DHCR7: variants seen among roughly 807,000 people sequenced by gnomAD.
DHCR7 encodes the protein 7-dehydrocholesterol reductase.
In DHCR7, 40 loss-of-function variants were observed where a neutral mutation model predicts 43.3. The ratio of observed to expected loss-of-function variants is 0.92; its 90% CI spans 0.72 to 1.20. DHCR7 has a LOEUF of 1.20. Ranked by LOEUF, DHCR7 falls within the 50% of genes most tolerant of loss-of-function variation. DHCR7 has a pLI of 0.00. For missense variants in DHCR7, 608 were observed against 644.6 expected (o/e 0.94, Z 0.62); for synonymous variants, 298 against 271.4 (o/e 1.10, Z -0.96).
At chr11:71,438,844 A>G (rs1486902010) in intron 7 of DHCR7, 35 bp downstream of exon 7, 5 of 1,607,886 alleles carry the variant, frequency 3.1e-6, no homozygotes, top group African/African-American at 1.3e-5. Context: ...GCCTGCCGGC[A>G]TCGGCGTTTC....
At chr11:71,442,046 C>T (rs1339205866) in intron 5 of DHCR7, among the ~76,000 whole-genome samples, 1 of 152,214 alleles carries the variant, frequency 6.6e-6, no homozygotes, top group Non-Finnish European at 1.5e-5. Context: ...CTGGGCCATC[C>T]ATTCCCTCCT....
At position 71,435,386 on chromosome 11, in the gene DHCR7, C is replaced by T. The variant is rs1428527242; in HGVS notation, c.1417G>A (p.Gly473Arg). Residue 473 changes from glycine to arginine, a missense_variant, in exon 9 of 9, where the codon GGA becomes AGA. Transcript: ENST00000355527. ...CCTAGGGCGTGCCCTTAGAAGATTC[C>T]AGGCAGCAGGCGGTAAGGCACTGCG... The part of the protein sequence containing the change: ...TAAVPYRLLP[G>R]IF The T allele has an allele frequency of 8.1e-6, 13 of 1,612,096 alleles. No homozygotes were observed. The highest frequency in any genetic ancestry group is 1.1e-5 in the Non-Finnish European group (13 of 1,179,992).
At chr11:71,432,903 G>C (rs942784097), downstream of DHCR7, among the ~76,000 whole-genome samples, 2 of 152,244 alleles carry the variant, frequency 1.3e-5, no homozygotes, top group Non-Finnish European at 2.9e-5. Context: ...CCAGAAAGCA[G>C]ATCTGCTGGA....
intron 2 of DHCR7, among the ~76,000 whole-genome samples, chr11:71,446,433 T>C (rs1349645225): frequency 6.6e-6 from 1 of 152,204 alleles, no homozygotes; most frequent in African/African-American, 2.4e-5. Flanking sequence ...TATTGACTAT[T>C]GTATGCACAG....
intron 8 of DHCR7, chr11:71,436,067 GTATATATACCCCC>G (rs1949277215): frequency 3.4e-6 from 2 of 581,572 alleles, no homozygotes; most frequent in South Asian, 4.2e-5. Context: ...ATGTGTGTGT[GTATATATACCCCC>G]TATATATATG....
intron 6 of DHCR7, among the ~76,000 whole-genome samples, chr11:71,439,822 G>A (rs971102010): frequency 3.2e-4 from 48 of 152,200 alleles, no homozygotes; most frequent in African/African-American, 1.0e-3. Context: ...ATAAGGTAGC[G>A]AGGATGATTT....
rs1207591281 is a variant in DHCR7, at chr11:71,438,068, T to C, written c.832-125A>G. On this transcript the variant is annotated intron_variant, in intron 7 of 8. Coordinates refer to ENST00000355527, the MANE Select transcript of DHCR7 (RefSeq NM_001360.3). ...GGGAGCTGCTCAGCAACTTCCTCAA[T>C]GCTGGGGCTGTTCCTTCCCTGCGGC... is the stretch of plus-strand genomic sequence containing the variant. 5.4e-6 allele frequency: 6 copies of C among 1,120,140 alleles called. No individual in the cohort carries two copies. The Admixed American group carries it at 9.2e-5, about 17-fold the overall frequency. 69.4% of individuals were successfully genotyped at this position (1,120,140 alleles called of 1,614,324 possible). A position where few individuals can be genotyped will look rare whatever the true frequency, so the allele number is the denominator to read the frequency against.
At chr11:71,436,173 C>T (rs1949278201) in intron 8 of DHCR7, among the ~76,000 whole-genome samples, 1 of 152,112 alleles carries the variant, frequency 6.6e-6, no homozygotes, top group Non-Finnish European at 1.5e-5. Context: ...TTAACGTGTC[C>T]ACTTGGCCAG....
chr11:71,427,532 T>C (rs1017948716), downstream of DHCR7, among the ~76,000 whole-genome samples: 1 of 152,222 alleles, frequency 6.6e-6, no homozygotes, highest in African/African-American at 2.4e-5. Flanking sequence ...ACTTATTAGT[T>C]CTAGTAGCTT....
intron 8 of DHCR7, chr11:71,436,053 G>A: frequency 1.7e-6 from 1 of 600,378 alleles, no homozygotes; most frequent in Admixed American, 2.8e-5. Flanking sequence ...CTGTCTGTGT[G>A]TGTATGTGTG....
chr11:71,436,241 G>A (rs1949278971), intron 8 of DHCR7, among the ~76,000 whole-genome samples: 1 of 152,210 alleles, frequency 6.6e-6, no homozygotes, highest in African/African-American at 2.4e-5. Flanking sequence ...TTCAGATGAG[G>A]TTCATATGTT....
downstream of DHCR7, among the ~76,000 whole-genome samples, chr11:71,427,291 C>T (rs1314734480): frequency 1.3e-5 from 2 of 152,052 alleles, no homozygotes; most frequent in Non-Finnish European, 2.9e-5. Flanking sequence ...AATATGTAAA[C>T]GTGGCACACC....
downstream of DHCR7, among the ~76,000 whole-genome samples, chr11:71,433,596 GA>G (rs2135938018): frequency 6.6e-6 from 1 of 152,320 alleles, no homozygotes; most frequent in East Asian, 1.9e-4. Flanking sequence ...TTCAAAAGAG[GA>G]AGCTGAGACA....
rs2120355252 is a variant in DHCR7, at chr11:71,444,863, G to T, written c.90C>A (p.Gly30=). Residue 30 remains glycine, a synonymous_variant, in exon 3 of 9, where the codon GGC becomes GGA. Coordinates refer to ENST00000355527, the MANE Select transcript of DHCR7 (RefSeq NM_001360.3). ...NDRTASQGQW[G]RAWEVDWFSL... Reference sequence around the variant, plus strand: ...ACAGGCAAGATCCTTACCAGGCACGGCCCCACTGCCCTTGAGATGCGGTTC... The same window carrying T: ...ACAGGCAAGATCCTTACCAGGCACGTCCCCACTGCCCTTGAGATGCGGTTC... The T allele has an allele frequency of 3.7e-6, 6 of 1,613,972 alleles. No homozygotes were observed. Among genetic ancestry groups the T allele is most frequent in the Non-Finnish European group, 5.1e-6 (6 of 1,179,830 alleles).
At chr11:71,429,521 C>G (rs949231189), downstream of DHCR7, among the ~76,000 whole-genome samples, 1 of 152,184 alleles carries the variant, frequency 6.6e-6, no homozygotes, top group Admixed American at 6.6e-5. Context: ...TTCATGGGCA[C>G]AGCCACAGGC....
At chr11:71,445,830 G>A (rs1949398464) in intron 2 of DHCR7, among the ~76,000 whole-genome samples, 2 of 152,190 alleles carry the variant, frequency 1.3e-5, no homozygotes, top group African/African-American at 4.8e-5. Context: ...GCTCTTGAAA[G>A]CTTTTAGAGA....
intron 2 of DHCR7, among the ~76,000 whole-genome samples, chr11:71,446,260 G>GAAAAAAAAAAAA (rs57679336): frequency 1.5e-5 from 1 of 65,940 alleles, no homozygotes; most frequent in Non-Finnish European, 2.7e-5. Flanking sequence ...CTTACCAAAT[G>GAAAAAAAAAAAA]AAAAAAAAAA....
chr11:71,447,328 C>A (rs1323637842), intron 2 of DHCR7, among the ~76,000 whole-genome samples: 1 of 152,216 alleles, frequency 6.6e-6, no homozygotes, highest in Non-Finnish European at 1.5e-5. Context: ...GGGATTAAAA[C>A]AAGACCAAAG....
At position 71,435,369 on chromosome 11, in the gene DHCR7, G is replaced by T. The variant is rs1039813327; in HGVS notation, c.*6C>A. On this transcript the variant is annotated 3_prime_UTR_variant, in exon 9 of 9. Coordinates refer to ENST00000355527, the MANE Select transcript of DHCR7 (RefSeq NM_001360.3). ...GCCCCACAGGGCTTCTCCCTAGGGC[G>T]TGCCCTTAGAAGATTCCAGGCAGCA... The T allele has an allele frequency of 1.2e-6, 2 of 1,610,900 alleles. No homozygotes were observed. The highest frequency in any genetic ancestry group is 1.7e-6 in the Non-Finnish European group (2 of 1,179,676).
Sources: allele counts gnomAD v4.1 joint callset (sites outside exome capture counted in the v4.1 genomes callset), GRCh38; gene constraint gnomAD v4.1.1; transcripts MANE v1.5; gene names NCBI Gene and HGNC (gene_info 2026-07-23, HGNC 2026-07-21).